Variants in DNAH7 observed in about 807,000 individuals in gnomAD.
The protein encoded by DNAH7 is axonemal beta dynein heavy chain 7.
A neutral mutation model predicts 444.6 loss-of-function variants in DNAH7; 397 were observed. That is an observed-to-expected ratio of 0.89 (90% CI 0.82 to 0.97). The LOEUF is 0.97. DNAH7 is among the 50% of genes least tolerant of loss of function. The pLI is 0.00. For missense variants in DNAH7, 4,902 were observed against 4,800.8 expected (o/e 1.02, Z -0.62); for synonymous variants, 1,636 against 1,624.4 (o/e 1.01, Z -0.17).
intron 40 of DNAH7, among the ~76,000 whole-genome samples, chr2:195,870,946 C>G (rs1257737064): frequency 6.6e-6 from 1 of 152,194 alleles, no homozygotes; most frequent in African/African-American, 2.4e-5. Flanking sequence ...CCCCCACACT[C>G]TCCAGCTCTC....
chr2:195,915,379 A>AAT (rs1687612169), intron 24 of DNAH7, among the ~76,000 whole-genome samples: 1 of 152,200 alleles, frequency 6.6e-6, no homozygotes, highest in Non-Finnish European at 1.5e-5. Context: ...ACAGGTAGTG[A>AAT]GTGAAGAAGT....
At position 195,881,803 on chromosome 2, in the gene DNAH7, A is replaced by G. The variant is rs908858259; in HGVS notation, c.5953T>C (p.Tyr1985His). The G allele has an allele frequency of 1.2e-6, 2 of 1,613,778 alleles. No homozygotes were observed. The highest frequency in any genetic ancestry group is 2.7e-5 in the African/African-American group (2 of 74,934). Reference sequence around the variant, plus strand: ...ATTTCTGCAGTACTTACCGTAATGTAAACACTTTTCCCAGTTCCTGTTGGT... The same window carrying G: ...ATTTCTGCAGTACTTACCGTAATGTGAACACTTTTCCCAGTTCCTGTTGGT... ...VGPTGTGKSV[Y>H]ITNFLLNQLN... is the part of the protein sequence containing the mutation. The change falls in exon 36 of 65, where the codon TAC (tyrosine) becomes CAC (histidine). Residue 1985 changes from tyrosine (Y) to histidine (H), a missense_variant. Coordinates refer to ENST00000312428, the MANE Select transcript of DNAH7 (RefSeq NM_018897.3).
At chr2:195,748,759 G>A (rs1036137918) in intron 63 of DNAH7, among the ~76,000 whole-genome samples, 1 of 152,166 alleles carries the variant, frequency 6.6e-6, no homozygotes, top group African/African-American at 2.4e-5. Flanking sequence ...TTAATAAATG[G>A]TGCTGGGAAA....
chr2:195,794,642 C>CTTTGTA, intron 56 of DNAH7, 104 bp from the exon 57 acceptor site: 2 of 1,095,098 alleles, frequency 1.8e-6, no homozygotes, highest in Non-Finnish European at 2.7e-6. Flanking sequence ...AGTATTTTTA[C>CTTTGTA]AAAGTAGAAA....
At chr2:195,747,542 G>T (rs1196608547) in intron 63 of DNAH7, among the ~76,000 whole-genome samples, 2 of 152,096 alleles carry the variant, frequency 1.3e-5, no homozygotes, top group African/African-American at 2.4e-5. Context: ...CCAAAAAAGA[G>T]AATTTTAGAC....
chr2:195,908,222 T>G (rs1428463199), intron 25 of DNAH7, among the ~76,000 whole-genome samples: 1 of 152,056 alleles, frequency 6.6e-6, no homozygotes, highest in Admixed American at 6.6e-5. Flanking sequence ...ATTTTTTTCT[T>G]TCATTTATAT....
At chr2:195,741,362 C>G (rs1693020522) in intron 63 of DNAH7, among the ~76,000 whole-genome samples, 1 of 152,212 alleles carries the variant, frequency 6.6e-6, no homozygotes, top group Non-Finnish European at 1.5e-5. Flanking sequence ...CTGCCAAGAG[C>G]TCTCCTTAGT....
chr2:195,857,316 T>G, intron 44 of DNAH7, 61 bp downstream of exon 44: 1 of 1,375,206 alleles, frequency 7.3e-7, no homozygotes, highest in Non-Finnish European at 9.9e-7. Flanking sequence ...TTGTATATTT[T>G]CTAACTGACC....
chr2:195,857,846 A>G, intron 43 of DNAH7, 123 bp from the exon 44 acceptor site: 1 of 882,460 alleles, frequency 1.1e-6, no homozygotes. Context: ...AAATGGTGAC[A>G]GTAATAGAAC....
At chr2:195,871,565 G>T (rs1433295430) in intron 40 of DNAH7, among the ~76,000 whole-genome samples, 1 of 151,394 alleles carries the variant, frequency 6.6e-6, no homozygotes, top group Non-Finnish European at 1.5e-5. Context: ...AATTCTTTTG[G>T]CATCTAGTAA....
Position 195,864,578 on chromosome 2 carries a change from AT to A in DNAH7, c.7076del (p.Asp2359ValfsTer22), listed in dbSNP as rs752574293. 59 of 1,614,060 alleles carry A rather than the reference AT, an allele frequency of 3.7e-5. No individual in the cohort carries two copies. The highest frequency in any genetic ancestry group is 4.2e-5 in the Non-Finnish European group (49 of 1,180,044). ...SVTRLAAHMA[D>X]YSVFQVEISK... ...AGATTTCAACTTGGAAAACTGAATA[AT>A]CAGCCATGTGGGCAGCTAATCTGGT... On this transcript the variant is annotated frameshift_variant, in exon 41 of 65. Transcript: ENST00000312428. LOFTEE classifies it high-confidence loss of function.
At chr2:195,778,256 C>T (rs1324146695) in intron 58 of DNAH7, among the ~76,000 whole-genome samples, 1 of 151,970 alleles carries the variant, frequency 6.6e-6, no homozygotes, top group African/African-American at 2.4e-5. Context: ...TATTTCAACA[C>T]CTACTATGTG....
chr2:196,012,702 G>C, intron 10 of DNAH7, 85 bp downstream of exon 10: 1 of 1,341,708 alleles, frequency 7.5e-7, no homozygotes, highest in Non-Finnish European at 1.0e-6. Context: ...ATTAAAATTG[G>C]ATCTTCTAAA....
intron 7 of DNAH7, 45 bp downstream of exon 7, chr2:196,026,715 G>T: frequency 2.2e-6 from 3 of 1,342,128 alleles, no homozygotes; most frequent in Non-Finnish European, 3.1e-6. Context: ...AATCTTTAAT[G>T]AGACACATAT....
At chr2:195,940,075 A>G (rs1165729156) in intron 19 of DNAH7, among the ~76,000 whole-genome samples, 1 of 152,198 alleles carries the variant, frequency 6.6e-6, no homozygotes, top group Non-Finnish European at 1.5e-5. Context: ...AACAATCCTA[A>G]GCAAAAAGAA....
chr2:195,929,873 G>T (rs1688575272), intron 21 of DNAH7, among the ~76,000 whole-genome samples: 1 of 152,150 alleles, frequency 6.6e-6, no homozygotes, highest in African/African-American at 2.4e-5. Flanking sequence ...TTGACAAGTG[G>T]AAACTAATTA....
chr2:196,001,581 G>T, intron 11 of DNAH7, 94 bp downstream of exon 11: 2 of 1,179,312 alleles, frequency 1.7e-6, no homozygotes, highest in Non-Finnish European at 2.3e-6. Context: ...TGTACTTTCT[G>T]CCCTCTCACT....
chr2:196,051,134 T>C (rs1476387180), intron 3 of DNAH7, 53 bp downstream of exon 3: 1 of 1,513,664 alleles, frequency 6.6e-7, no homozygotes, highest in Non-Finnish European at 9.1e-7. Flanking sequence ...AGAAAACTAA[T>C]AAACATTTTT....
intron 57 of DNAH7, among the ~76,000 whole-genome samples, chr2:195,793,785 A>T (rs552471854): frequency 6.6e-6 from 1 of 152,332 alleles, no homozygotes; most frequent in South Asian, 2.1e-4. Context: ...TCCATTTTTA[A>T]TTATGGCAAA....
Sources: gnomAD v4.1 joint callset for allele counts (sites outside exome capture counted in the v4.1 genomes callset) on GRCh38, gnomAD v4.1.1 for gene constraint, MANE v1.5 for transcripts, NCBI Gene and HGNC (gene_info 2026-07-23, HGNC 2026-07-21) for gene names.